The following TMEM67 variants were observed in gnomAD, a reference collection of about 807,000 sequenced individuals.
TMEM67 encodes meckelin.
A neutral mutation model predicts 136.6 loss-of-function variants in TMEM67; 124 were observed. The observed-to-expected ratio is 0.91, with a 90% confidence interval of 0.78 to 1.05. The LOEUF (loss-of-function observed/expected upper bound fraction) is 1.05. TMEM67 is among the 50% of genes least tolerant of loss of function. The probability of loss-of-function intolerance (pLI) is 0.00; values close to 1 mark genes in which losing one functional copy is unlikely to be tolerated. For missense variants in TMEM67, 1,107 were observed against 1,178.4 expected (o/e 0.94, Z 0.89); for synonymous variants, 364 against 390.5 (o/e 0.93, Z 0.80).
At chr8:93,776,301 G>A (rs1813538683) in intron 7 of TMEM67, among the ~76,000 whole-genome samples, 1 of 152,130 alleles carries the variant, frequency 6.6e-6, no homozygotes. Flanking sequence ...CTGCAAACAG[G>A]GACAATTTCA....
At chr8:93,807,927 C>G (rs1219621331) in intron 23 of TMEM67, among the ~76,000 whole-genome samples, 1 of 151,626 alleles carries the variant, frequency 6.6e-6, no homozygotes, top group African/African-American at 2.4e-5. Context: ...TCAGGGAAAC[C>G]CAAAATGGAT....
chr8:93,814,385 C>G (rs140592491), intron 26 of TMEM67, among the ~76,000 whole-genome samples: 2 of 149,468 alleles, frequency 1.3e-5, no homozygotes, highest in Non-Finnish European at 3.0e-5. Context: ...GTGATCTGCC[C>G]GCCTCGGCCT....
rs967792092 is a variant in TMEM67, at chr8:93,786,223, A to G, written c.1289A>G (p.Asp430Gly). The G allele has an allele frequency of 1.2e-6, 2 of 1,613,752 alleles. No individual in the cohort carries two copies. Among genetic ancestry groups the G allele is most frequent in the Non-Finnish European group, 1.7e-6 (2 of 1,179,854 alleles). ...AACTTTTTTCTTTTTATAATAAAAG[A>G]CAGCAACTCTGGAAAGTGGCTTCTA... ...LQHNKIFVNQ[D>G]SNSGKWLLTR... is the part of the protein sequence containing the mutation. Residue 430 changes from aspartate (D) to glycine (G), a missense_variant and splice_region_variant, in exon 13 of 28, where the codon GAC becomes GGC. Around this residue, in one of 3 missense-constraint regions of TMEM67, gnomAD observed 925 missense variants for 1,002.4 expected, o/e 0.92. Transcript: ENST00000453321.
At chr8:93,812,576 A>G (rs1214383254) in intron 26 of TMEM67, among the ~76,000 whole-genome samples, 1 of 152,216 alleles carries the variant, frequency 6.6e-6, no homozygotes, top group East Asian at 1.9e-4. Context: ...TGGCTTTGTG[A>G]ACTTTGAGAA....
chr8:93,804,309 TC>T (rs1266881904), intron 22 of TMEM67, among the ~76,000 whole-genome samples: 2 of 95,026 alleles, frequency 2.1e-5, no homozygotes, highest in African/African-American at 3.9e-5. Flanking sequence ...TCTTTTCTTT[TC>T]TTTTTTTTTT....
intron 23 of TMEM67, among the ~76,000 whole-genome samples, chr8:93,808,528 T>TA (rs375184442): frequency 0.022 from 176 of 8,096 alleles, no homozygotes; most frequent in Middle Eastern, 0.062. Flanking sequence ...TTATAATCTA[T>TA]ATATATCTAT....
At position 93,780,989 on chromosome 8, in the gene TMEM67, G is replaced by A; in HGVS notation, c.978+7G>A. 1.4e-6 allele frequency: 2 copies of A among 1,480,464 alleles called. No homozygotes were observed. Among genetic ancestry groups the A allele is most frequent in the South Asian group, 1.1e-5 (1 of 88,266 alleles). 91.7% of individuals were successfully genotyped at this position (1,480,464 alleles called of 1,614,324 possible). A position where few individuals can be genotyped will look rare whatever the true frequency, so the allele number is the denominator to read the frequency against. On this transcript the variant is annotated splice_region_variant and intron_variant, in intron 9 of 27. Transcript: ENST00000453321. ...TTTTAAAGGAGAAAACCAGGTAAAAGTGTCTAATATCATTAGAGGATAACT... is the reference window on the plus strand; with the variant it reads ...TTTTAAAGGAGAAAACCAGGTAAAAATGTCTAATATCATTAGAGGATAACT...
intron 18 of TMEM67, 85 bp from the exon 19 acceptor site, chr8:93,797,049 A>G (rs964220526): frequency 1.4e-5 from 11 of 797,722 alleles, no homozygotes; most frequent in Non-Finnish European, 2.2e-5. Context: ...TGATAACAGT[A>G]TGTTTCTTAA....
At chr8:93,828,799 A>T in the TMEM67 span, among the ~76,000 whole-genome samples, 34 of 151,952 alleles carry the variant, frequency 2.2e-4, no homozygotes, top group East Asian at 6.4e-3. Context: ...TTTAAGAGTT[A>T]TACCTATATG....
intron 23 of TMEM67, among the ~76,000 whole-genome samples, chr8:93,805,742 GA>G (rs972793233): frequency 2.0e-4 from 31 of 152,172 alleles, no homozygotes; most frequent in Admixed American, 1.7e-3. Context: ...GAAGAAAGTA[GA>G]AGGAATTCTA....
intron 23 of TMEM67, among the ~76,000 whole-genome samples, chr8:93,808,480 T>TTATCTATAATATATCTATAATA (rs1808530835): frequency 7.1e-6 from 1 of 140,008 alleles, no homozygotes; most frequent in African/African-American, 2.9e-5. Context: ...TTATAGATAT[T>TTATCTATAATATATCTATAATA]TATCTATAAT....
At chr8:93,760,779 A>G (rs921173783) in intron 3 of TMEM67, among the ~76,000 whole-genome samples, 1 of 152,162 alleles carries the variant, frequency 6.6e-6, no homozygotes, top group Non-Finnish European at 1.5e-5. Flanking sequence ...AAACTAAAGA[A>G]AAATATTAAT....
intron 3 of TMEM67, among the ~76,000 whole-genome samples, chr8:93,763,225 T>G (rs1286321646): frequency 6.6e-6 from 1 of 152,204 alleles, no homozygotes; most frequent in African/African-American, 2.4e-5. Context: ...CCTCCTCACC[T>G]GGCCTTACCT....
intron 20 of TMEM67, 41 bp downstream of exon 20, chr8:93,797,511 C>A (rs2130736035): frequency 6.4e-7 from 1 of 1,572,390 alleles, no homozygotes; most frequent in East Asian, 2.2e-5. Flanking sequence ...CTTACATGTA[C>A]CTTATAAATA....
At chr8:93,778,535 T>G (rs1264455631) in intron 7 of TMEM67, among the ~76,000 whole-genome samples, 1 of 152,230 alleles carries the variant, frequency 6.6e-6, no homozygotes, top group Non-Finnish European at 1.5e-5. Context: ...CAGGAGCTTA[T>G]GTAAGGCAGG....
At chr8:93,784,904 G>C (rs1586048739) in intron 11 of TMEM67, among the ~76,000 whole-genome samples, 1 of 152,126 alleles carries the variant, frequency 6.6e-6, no homozygotes, top group South Asian at 2.1e-4. Flanking sequence ...TTTCACTGAT[G>C]TACCCTTAAT....
Position 93,795,867 on chromosome 8 carries a change from G to A in TMEM67, c.1774-34G>A, listed in dbSNP as rs201505248. ...AACAAACAAACAAAAAAAACTGTGT[G>A]TGATAATATTTAATCAAGTAATTTT... On this transcript the variant is annotated intron_variant, in intron 17 of 27. Coordinates refer to ENST00000453321, the MANE Select transcript of TMEM67 (RefSeq NM_153704.6). 38 of 1,435,446 alleles carry A rather than the reference G, an allele frequency of 2.6e-5. No individual in the cohort carries two copies. The Admixed American group carries it at 6.1e-4, about 23-fold the overall frequency. 88.9% of individuals were successfully genotyped at this position (1,435,446 alleles called of 1,614,324 possible). A position where few individuals can be genotyped will look rare whatever the true frequency, so the allele number is the denominator to read the frequency against.
the TMEM67 span, among the ~76,000 whole-genome samples, chr8:93,829,380 CTCTGTGTGTGTG>C: frequency 4.0e-5 from 6 of 150,262 alleles, no homozygotes; most frequent in African/African-American, 1.5e-4. Flanking sequence ...CTCTCTCTCT[CTCTGTGTGTGTG>C]TGTGTGTGTG....
chr8:93,777,417 T>G (rs1174673505), intron 7 of TMEM67, among the ~76,000 whole-genome samples: 2 of 152,200 alleles, frequency 1.3e-5, no homozygotes, highest in African/African-American at 2.4e-5. Context: ...TTGCTCTTGC[T>G]TCTTTACTTC....
Sources: allele counts gnomAD v4.1 joint callset (sites outside exome capture counted in the v4.1 genomes callset), GRCh38; gene constraint gnomAD v4.1.1; regional missense constraint gnomAD v4.1.1; transcripts MANE v1.5; gene names NCBI Gene and HGNC (gene_info 2026-07-23, HGNC 2026-07-21).